Variants in NXPE4 observed in about 807,000 individuals in gnomAD.
NXPE4 encodes neurexophilin and PC-esterase domain family member 4, also known as NXPE family member 4.
A neutral mutation model predicts 33.3 loss-of-function variants in NXPE4; 42 were observed. The ratio of observed to expected loss-of-function variants is 1.26; its 90% confidence interval spans 0.98 to 1.63. NXPE4 has a LOEUF of 1.63. Ranked by LOEUF, NXPE4 falls within the 40% of genes most tolerant of loss-of-function variation. The probability of loss-of-function intolerance (pLI) is 0.00; values close to 1 mark genes in which losing one functional copy is unlikely to be tolerated. For missense variants in NXPE4, 709 were observed against 647.6 expected, an observed-to-expected ratio of 1.09 and a Z score of -1.03; for synonymous variants, 253 against 234.9, an observed-to-expected ratio of 1.08 and a Z score of -0.71.
chr11:114,667,841 G>A, the NXPE4 span, among the ~76,000 whole-genome samples: 1 of 152,234 alleles, frequency 6.6e-6, no homozygotes, highest in Admixed American at 6.5e-5. Flanking sequence ...TAGAGATCTT[G>A]AGGCAGAACC....
chr11:114,643,801 A>C, the NXPE4 span, among the ~76,000 whole-genome samples: 1 of 152,290 alleles, frequency 6.6e-6, no homozygotes, highest in East Asian at 1.9e-4. Context: ...TCTGTGAAGA[A>C]AGTCTGTGGT....
At chr11:114,672,140 AC>A in the NXPE4 span, among the ~76,000 whole-genome samples, 1 of 151,932 alleles carries the variant, frequency 6.6e-6, no homozygotes, top group Admixed American at 6.6e-5. Context: ...GGGGAAGTCC[AC>A]CCCCATGATT....
chr11:114,610,551 TCG>T, the NXPE4 span, among the ~76,000 whole-genome samples: 1 of 103,472 alleles, frequency 9.7e-6, no homozygotes, highest in Non-Finnish European at 2.4e-5. Flanking sequence ...AAGTGTTGCC[TCG>T]TGGTTAACCA....
the NXPE4 span, among the ~76,000 whole-genome samples, chr11:114,601,979 A>C: frequency 1.3e-5 from 1 of 76,408 alleles, no homozygotes. Context: ...ATATTCTGTT[A>C]TATATAATAT....
At chr11:114,617,979 TAA>T in the NXPE4 span, among the ~76,000 whole-genome samples, 3 of 151,634 alleles carry the variant, frequency 2.0e-5, no homozygotes, top group African/African-American at 7.3e-5. Flanking sequence ...CAGTTTGTAA[TAA>T]GTGTTGCCTC....
chr11:114,656,989 G>A, the NXPE4 span, among the ~76,000 whole-genome samples: 1 of 152,116 alleles, frequency 6.6e-6, no homozygotes, highest in African/African-American at 2.4e-5. Context: ...AGCTACTCTG[G>A]AGGCTGAGGC....
At chr11:114,651,257 C>T in the NXPE4 span, among the ~76,000 whole-genome samples, 11 of 151,988 alleles carry the variant, frequency 7.2e-5, no homozygotes, top group Middle Eastern at 6.8e-3. Flanking sequence ...CAGATGTGTC[C>T]GGAGTTTCTT....
the NXPE4 span, among the ~76,000 whole-genome samples, chr11:114,640,165 T>A: frequency 4.4e-3 from 264 of 59,782 alleles, 3 homozygotes; most frequent in East Asian, 0.022. Flanking sequence ...TAATAATATA[T>A]ATAAATAATT....
the NXPE4 span, among the ~76,000 whole-genome samples, chr11:114,632,033 T>A: frequency 6.8e-6 from 1 of 146,144 alleles, no homozygotes; most frequent in Non-Finnish European, 1.5e-5. Context: ...TTATACTTTA[T>A]ATATAATATA....
At chr11:114,606,938 C>A in the NXPE4 span, among the ~76,000 whole-genome samples, 30 of 151,872 alleles carry the variant, frequency 2.0e-4, no homozygotes, top group Non-Finnish European at 5.9e-5. Context: ...CATGGGTAAC[C>A]ACTGTTATCC....
chr11:114,625,844 G>A, the NXPE4 span, among the ~76,000 whole-genome samples: 5 of 152,148 alleles, frequency 3.3e-5, no homozygotes, highest in Admixed American at 2.0e-4. Flanking sequence ...GAAGCATGGT[G>A]AGGCATTGCC....
chr11:114,643,670 A>G, the NXPE4 span, among the ~76,000 whole-genome samples: 159 of 152,126 alleles, frequency 1.0e-3, 2 homozygotes, highest in Non-Finnish European at 1.6e-3. Flanking sequence ...GCCTTGTAGT[A>G]TAGTTTAAAG....
chr11:114,597,197 A>G (rs1402150120), upstream of NXPE4, among the ~76,000 whole-genome samples: 3 of 152,200 alleles, frequency 2.0e-5, no homozygotes, highest in African/African-American at 7.2e-5. Context: ...TATACATAAT[A>G]AATCAACAAT....
chr11:114,603,134 A>G, the NXPE4 span, among the ~76,000 whole-genome samples: 2 of 151,698 alleles, frequency 1.3e-5, no homozygotes, highest in Admixed American at 1.3e-4. Flanking sequence ...TCTAGTGGAT[A>G]ATAATTATTG....
the NXPE4 span, among the ~76,000 whole-genome samples, chr11:114,664,134 C>T: frequency 2.6e-5 from 4 of 152,096 alleles, no homozygotes; most frequent in Non-Finnish European, 2.9e-5. Context: ...AAATGTCCTT[C>T]GACTAATTAA....
the NXPE4 span, among the ~76,000 whole-genome samples, chr11:114,678,230 G>A: frequency 5.3e-5 from 8 of 152,150 alleles, no homozygotes; most frequent in South Asian, 2.1e-4. Flanking sequence ...CTAATCCTAC[G>A]TGAAAACCAT....
At chr11:114,629,514 C>T in the NXPE4 span, among the ~76,000 whole-genome samples, 2 of 151,424 alleles carry the variant, frequency 1.3e-5, no homozygotes, top group South Asian at 2.1e-4. Context: ...ATTGATGGGA[C>T]ATATCTCAAA....
chr11:114,645,573 C>A, the NXPE4 span, among the ~76,000 whole-genome samples: 5 of 151,944 alleles, frequency 3.3e-5, no homozygotes, highest in Non-Finnish European at 5.9e-5. Flanking sequence ...ATAAAAGATA[C>A]CCTAAACCAA....
At chr11:114,599,260 C>T (rs1032618939), upstream of NXPE4, among the ~76,000 whole-genome samples, 9 of 152,232 alleles carry the variant, frequency 5.9e-5, no homozygotes, top group Middle Eastern at 6.8e-3. Flanking sequence ...ACCTTTACTC[C>T]GATTCCCAGT....
Sources: gnomAD v4.1 joint callset for allele counts (sites outside exome capture counted in the v4.1 genomes callset) on GRCh38, gnomAD v4.1.1 for gene constraint, MANE v1.5 for transcripts, NCBI Gene and HGNC (gene_info 2026-07-23, HGNC 2026-07-21) for gene names.